Variants in ST6GALNAC3 observed in about 807,000 individuals in gnomAD.
The protein encoded by ST6GALNAC3 is alpha-N-acetylgalactosaminide alpha-2,6-sialyltransferase 3.
Under a neutral mutation model 32.7 loss-of-function variants are expected in ST6GALNAC3, and 25 were observed. The observed-to-expected ratio is 0.76, with a 90% CI of 0.56 to 1.07. The LOEUF (loss-of-function observed/expected upper bound fraction) is 1.07. ST6GALNAC3 is among the 50% of genes least tolerant of loss of function. ST6GALNAC3 has a pLI of 0.00. For synonymous variants in ST6GALNAC3, 129 were observed against 133.1 expected (o/e 0.97, Z 0.21); for missense variants, 355 against 382.4 (o/e 0.93, Z 0.60).
chr1:76,564,141 A>G (rs1359704403), intron 3 of ST6GALNAC3, among the ~76,000 whole-genome samples: 1 of 152,220 alleles, frequency 6.6e-6, no homozygotes, highest in Non-Finnish European at 1.5e-5. Context: ...TGTGGAAAAC[A>G]GGATGATCTG....
chr1:76,461,847 G>A (rs1260771801), intron 3 of ST6GALNAC3, among the ~76,000 whole-genome samples: 2 of 152,144 alleles, frequency 1.3e-5, no homozygotes, highest in Non-Finnish European at 2.9e-5. Context: ...CAGATGGAAA[G>A]ACTGGGGCTT....
At chr1:76,250,172 G>A (rs1429293412) in intron 1 of ST6GALNAC3, among the ~76,000 whole-genome samples, 1 of 152,094 alleles carries the variant, frequency 6.6e-6, no homozygotes, top group Non-Finnish European at 1.5e-5. Flanking sequence ...AGGAATCAGA[G>A]CCTAATCCTT....
intron 1 of ST6GALNAC3, among the ~76,000 whole-genome samples, chr1:76,156,321 G>T (rs1329611011): frequency 6.6e-6 from 1 of 152,060 alleles, no homozygotes; most frequent in East Asian, 1.9e-4. Context: ...ACTATCACAA[G>T]AAAGTGACCA....
intron 3 of ST6GALNAC3, among the ~76,000 whole-genome samples, chr1:76,543,591 A>G (rs1369804): frequency 0.65 from 99,262 of 152,066 alleles, 34,170 homozygotes; most frequent in Non-Finnish European, 0.76. Flanking sequence ...GCATTTACTT[A>G]AGAGTTCTAG....
intron 1 of ST6GALNAC3, among the ~76,000 whole-genome samples, chr1:76,187,346 C>A (rs886261644): frequency 7.2e-5 from 11 of 152,054 alleles, no homozygotes; most frequent in Non-Finnish European, 1.6e-4. Context: ...TAAAGGTAGG[C>A]TGTGGTATAT....
chr1:76,632,442 C>A lies in ST6GALNAC3; in HGVS notation c.*3636C>A, dbSNP rs1406891498. 1 of 152,122 alleles carries A rather than the reference C, an allele frequency of 6.6e-6. No homozygotes were observed. Among genetic ancestry groups the A allele is most frequent in the Non-Finnish European group, 1.5e-5 (1 of 68,020 alleles). The allele number at this position is 152,122 out of a possible 1,614,324, so 9.4% of individuals were successfully genotyped here. On this transcript the variant is annotated 3_prime_UTR_variant, in exon 5 of 5. Transcript: ENST00000328299. ...AACATTGCATCAAGCTTCATTCACA[C>A]TGAAGTAAATGAACATTGGTCCTCC...
rs541542920 is a variant in ST6GALNAC3, at chr1:76,192,435, C to A, written c.18+117551C>A. ...CTTGGAAAAAGAGTTTTTGAAGAGT[C>A]CTGCTCTCACAGGACATCTGTGAGA... is the stretch of plus-strand genomic sequence containing the variant. On this transcript the variant is annotated intron_variant, in intron 1 of 4. Transcript: ENST00000328299. Among the ~76,000 whole-genome samples the A allele has an allele frequency of 2.0e-5, 3 of 152,266 alleles. No homozygotes were observed. In the South Asian group the frequency reaches 6.2e-4, roughly 32 times the overall value.
chr1:76,236,425 G>T (rs1656664608), intron 1 of ST6GALNAC3, among the ~76,000 whole-genome samples: 1 of 152,212 alleles, frequency 6.6e-6, no homozygotes, highest in African/African-American at 2.4e-5. Flanking sequence ...ATTGCTATGT[G>T]AGGGTTTGCT....
At chr1:76,291,167 A>C (rs1284448230) in intron 1 of ST6GALNAC3, among the ~76,000 whole-genome samples, 1 of 152,234 alleles carries the variant, frequency 6.6e-6, no homozygotes, top group Non-Finnish European at 1.5e-5. Flanking sequence ...CTAAATGTTT[A>C]AATTTCAGAG....
intron 1 of ST6GALNAC3, among the ~76,000 whole-genome samples, chr1:76,283,349 CT>C (rs996752551): frequency 5.1e-4 from 77 of 152,128 alleles, no homozygotes; most frequent in Non-Finnish European, 8.5e-4. Flanking sequence ...TAATGGTTTT[CT>C]TTTTTTCTAT....
chr1:76,492,104 T>C (rs886747643), intron 3 of ST6GALNAC3, among the ~76,000 whole-genome samples: 1 of 152,218 alleles, frequency 6.6e-6, no homozygotes, highest in African/African-American at 2.4e-5. Context: ...ACAAGTGAAG[T>C]AACCTGCACC....
chr1:76,515,492 G>A (rs1236530551), intron 3 of ST6GALNAC3, among the ~76,000 whole-genome samples: 3 of 151,726 alleles, frequency 2.0e-5, no homozygotes, highest in African/African-American at 7.3e-5. Context: ...ATTTTCTTGA[G>A]GTGTTTGGTT....
At chr1:76,577,144 G>T (rs992036854) in intron 3 of ST6GALNAC3, 1 of 1,060,704 alleles carries the variant, frequency 9.4e-7, no homozygotes, top group African/African-American at 1.7e-5. Flanking sequence ...TTTAAATGTT[G>T]TCTCTCTGTT....
intron 3 of ST6GALNAC3, among the ~76,000 whole-genome samples, chr1:76,614,316 A>G (rs1444129440): frequency 1.3e-5 from 2 of 152,242 alleles, no homozygotes; most frequent in Non-Finnish European, 2.9e-5. Flanking sequence ...TTCATAATGA[A>G]GTGGAACTCA....
intron 1 of ST6GALNAC3, among the ~76,000 whole-genome samples, chr1:76,147,105 C>T (rs1460819913): frequency 6.6e-6 from 1 of 151,078 alleles, no homozygotes; most frequent in Admixed American, 6.6e-5. Context: ...CTCTGTCTCC[C>T]AGGCTGGAGT....
intron 3 of ST6GALNAC3, among the ~76,000 whole-genome samples, chr1:76,451,353 C>T (rs1322832079): frequency 1.3e-5 from 2 of 152,088 alleles, no homozygotes; most frequent in Non-Finnish European, 2.9e-5. Flanking sequence ...AGAGTGTGTG[C>T]AAGGGAACTG....
chr1:76,433,733 C>A (rs1235140027), intron 3 of ST6GALNAC3, among the ~76,000 whole-genome samples: 2 of 152,150 alleles, frequency 1.3e-5, no homozygotes, highest in Non-Finnish European at 2.9e-5. Flanking sequence ...TGGGTCACTT[C>A]TGTTGATTCC....
At chr1:76,182,802 A>G (rs945808928) in intron 1 of ST6GALNAC3, among the ~76,000 whole-genome samples, 1 of 152,056 alleles carries the variant, frequency 6.6e-6, no homozygotes, top group Non-Finnish European at 1.5e-5. Flanking sequence ...GTCGTAACAT[A>G]GATTTTCATT....
chr1:76,138,985 G>C (rs1333530148), intron 1 of ST6GALNAC3, among the ~76,000 whole-genome samples: 1 of 152,152 alleles, frequency 6.6e-6, no homozygotes, highest in Non-Finnish European at 1.5e-5. Flanking sequence ...ACGAGGTCAG[G>C]AGATCGAGAC....
Sources: allele counts gnomAD v4.1 joint callset (sites outside exome capture counted in the v4.1 genomes callset), GRCh38; gene constraint gnomAD v4.1.1; transcripts MANE v1.5; gene names NCBI Gene and HGNC (gene_info 2026-07-23, HGNC 2026-07-21).